The following MAPK9 variants were observed in gnomAD, a reference collection of about 807,000 sequenced individuals.
MAPK9 encodes mitogen-activated protein kinase 9.
A neutral mutation model predicts 57.1 loss-of-function variants in MAPK9; 30 were observed. The ratio of observed to expected loss-of-function variants is 0.53; its 90% confidence interval spans 0.39 to 0.71. MAPK9 has a LOEUF of 0.71. MAPK9 is among the 30% of genes least tolerant of loss of function. MAPK9 has a pLI of 0.00. For missense variants in MAPK9, 362 were observed against 521.0 expected, an observed-to-expected ratio of 0.69 and a Z score of 2.97; for synonymous variants, 155 against 177.0, an observed-to-expected ratio of 0.88 and a Z score of 0.99.
intron 1 of MAPK9, 148 bp from the exon 2 acceptor site, chr5:180,280,756 A>T (rs1000871033): frequency 1.3e-5 from 8 of 602,406 alleles, no homozygotes; most frequent in Admixed American, 3.7e-5. Context: ...TAAGCAAGAC[A>T]CAAAAAAATG....
At chr5:180,249,564 A>C (rs1323784031) in intron 5 of MAPK9, among the ~76,000 whole-genome samples, 2 of 151,246 alleles carry the variant, frequency 1.3e-5, no homozygotes, top group Non-Finnish European at 2.9e-5. Flanking sequence ...CCACGCCTGG[A>C]CTTGAGTTCC....
intron 5 of MAPK9, among the ~76,000 whole-genome samples, chr5:180,253,988 C>T (rs894653174): frequency 1.6e-4 from 13 of 79,386 alleles, no homozygotes; most frequent in Admixed American, 6.0e-4. Context: ...TTTTTTGAGA[C>T]GAAGTCTCGA....
At chr5:180,275,198 C>G (rs145442876) in intron 2 of MAPK9, among the ~76,000 whole-genome samples, 2 of 152,040 alleles carry the variant, frequency 1.3e-5, no homozygotes, top group African/African-American at 4.8e-5. Context: ...GGGCCTTGCA[C>G]GTATAAAACT....
chr5:180,241,199 CA>C, intron 8 of MAPK9, 44 bp from the exon 9 acceptor site: 1 of 1,551,232 alleles, frequency 6.4e-7, no homozygotes, highest in South Asian at 1.2e-5. Context: ...TAATATGAAA[CA>C]AACAGAATCA....
chr5:180,238,281 G>T (rs2127573375), intron 11 of MAPK9, 51 bp downstream of exon 11: 1 of 1,435,564 alleles, frequency 7.0e-7, no homozygotes, highest in Non-Finnish European at 9.6e-7. Flanking sequence ...AAAAAAAAAA[G>T]TTGAATAGGG....
intron 5 of MAPK9, among the ~76,000 whole-genome samples, chr5:180,260,460 T>C (rs1487427554): frequency 6.6e-6 from 1 of 152,232 alleles, no homozygotes; most frequent in African/African-American, 2.4e-5. Flanking sequence ...GCTCAAAACA[T>C]GCACATGAAT....
intron 5 of MAPK9, among the ~76,000 whole-genome samples, chr5:180,250,639 T>C (rs993974924): frequency 2.0e-5 from 3 of 152,126 alleles, no homozygotes; most frequent in Admixed American, 6.5e-5. Flanking sequence ...CATTTCGACA[T>C]TGACAACAGG....
intron 9 of MAPK9, 64 bp downstream of exon 9, chr5:180,240,967 G>C (rs1383095047): frequency 1.9e-6 from 3 of 1,544,190 alleles, no homozygotes; most frequent in Non-Finnish European, 2.6e-6. Flanking sequence ...TGGACGGACA[G>C]ACAAGATCCA....
chr5:180,278,537 T>C (rs1433932199), intron 2 of MAPK9, among the ~76,000 whole-genome samples: 1 of 152,094 alleles, frequency 6.6e-6, no homozygotes, highest in Non-Finnish European at 1.5e-5. Flanking sequence ...CTGTCTCTAC[T>C]AAAAATACAA....
chr5:180,280,160 A>G (rs1762193468), intron 2 of MAPK9: 1 of 461,882 alleles, frequency 2.2e-6, no homozygotes, highest in Non-Finnish European at 4.0e-6. Flanking sequence ...CTCTGATATC[A>G]TAATGACAGG....
At chr5:180,271,355 T>G (rs1761292531) in intron 2 of MAPK9, among the ~76,000 whole-genome samples, 3 of 152,222 alleles carry the variant, frequency 2.0e-5, no homozygotes, top group Admixed American at 2.0e-4. Context: ...TCTCTTCATT[T>G]ATCAGCTTTA....
chr5:180,241,253 T>A, intron 8 of MAPK9, 98 bp from the exon 9 acceptor site: 1 of 1,225,224 alleles, frequency 8.2e-7, no homozygotes, highest in Non-Finnish European at 1.1e-6. Context: ...AGAACAAAGA[T>A]ATATTAATTT....
At chr5:180,260,931 G>T (rs1226067220) in intron 5 of MAPK9, among the ~76,000 whole-genome samples, 4 of 128,474 alleles carry the variant, frequency 3.1e-5, no homozygotes, top group African/African-American at 1.2e-4. Flanking sequence ...TGAAGTATTG[G>T]TATCAAATTG....
chr5:180,241,192 T>C (rs1407781991), intron 8 of MAPK9, 37 bp from the exon 9 acceptor site: 1 of 1,585,680 alleles, frequency 6.3e-7, no homozygotes, highest in South Asian at 1.1e-5. Flanking sequence ...ATGCTGTTAA[T>C]ATGAAACAAA....
At chr5:180,267,930 T>A (rs1293551568) in intron 3 of MAPK9, among the ~76,000 whole-genome samples, 8 of 152,196 alleles carry the variant, frequency 5.3e-5, no homozygotes, top group Non-Finnish European at 2.9e-5. Flanking sequence ...TGGTGCTATC[T>A]CAGCTCACTG....
intron 1 of MAPK9, among the ~76,000 whole-genome samples, chr5:180,291,319 G>A (rs1401440168): frequency 6.6e-6 from 1 of 151,318 alleles, no homozygotes; most frequent in Non-Finnish European, 1.5e-5. Flanking sequence ...GAGGCTGGGC[G>A]GGTGGGGAGG....
chr5:180,249,976 T>C (rs1008364518), intron 5 of MAPK9, among the ~76,000 whole-genome samples: 3 of 152,190 alleles, frequency 2.0e-5, no homozygotes, highest in South Asian at 2.1e-4. Context: ...AATCTTCCCA[T>C]GGCTCTTTCT....
intron 5 of MAPK9, among the ~76,000 whole-genome samples, chr5:180,256,564 G>A (rs186900970): frequency 1.8e-3 from 275 of 152,328 alleles, no homozygotes; most frequent in Middle Eastern, 6.8e-3. Context: ...GGAACAAGGT[G>A]ACAGGGAGGA....
chr5:180,278,736 T>C (rs1351717320), intron 2 of MAPK9, among the ~76,000 whole-genome samples: 3 of 151,974 alleles, frequency 2.0e-5, no homozygotes, highest in African/African-American at 4.8e-5. Context: ...TACCTGTCTA[T>C]AGCCACAAAC....
Sources: allele counts gnomAD v4.1 joint callset (sites outside exome capture counted in the v4.1 genomes callset), GRCh38; gene constraint gnomAD v4.1.1; transcripts MANE v1.5; gene names NCBI Gene and HGNC (gene_info 2026-07-23, HGNC 2026-07-21).